LRRN3: variants seen among roughly 807,000 people sequenced by gnomAD.
The protein encoded by LRRN3 is leucine rich repeat neuronal 3.
A neutral mutation model predicts 40.1 loss-of-function variants in LRRN3; 15 were observed. The observed-to-expected ratio is 0.37, with a 90% confidence interval of 0.25 to 0.58. The LOEUF is 0.58. Ranked by LOEUF, LRRN3 falls within the 20% of genes least tolerant of loss-of-function variation. LRRN3 has a pLI of 0.72. For missense variants in LRRN3, 746 were observed against 837.7 expected, an observed-to-expected ratio of 0.89 and a Z score of 1.35; for synonymous variants, 308 against 297.2, an observed-to-expected ratio of 1.04 and a Z score of -0.37.
intron 2 of LRRN3, among the ~76,000 whole-genome samples, chr7:111,102,083 TA>T (rs879353268): frequency 0.018 from 2,607 of 144,882 alleles, 73 homozygotes; most frequent in African/African-American, 0.056. Context: ...TCAATTTCTT[TA>T]AAAAAAAAAA....
intron 2 of LRRN3, among the ~76,000 whole-genome samples, chr7:111,106,552 C>A (rs214884): frequency 6.6e-6 from 1 of 151,428 alleles, no homozygotes; most frequent in Non-Finnish European, 1.5e-5. Flanking sequence ...CTCACTGCCC[C>A]AGGCTTGAGT....
At chr7:111,093,852 A>G (rs1278532637) in intron 1 of LRRN3, among the ~76,000 whole-genome samples, 1 of 152,130 alleles carries the variant, frequency 6.6e-6, no homozygotes, top group East Asian at 1.9e-4. Context: ...CTTCCTGGCA[A>G]GACAATTCAA....
intron 2 of LRRN3, among the ~76,000 whole-genome samples, chr7:111,111,921 T>TTA (rs140449960): frequency 0.029 from 4,224 of 144,012 alleles, 165 homozygotes; most frequent in African/African-American, 0.077. Flanking sequence ...TATATTTTAT[T>TTA]TATATATATA....
In LRRN3 at chr7:111,110,193, T is replaced by A. The variant is rs1281835213; in HGVS notation, c.-359+10231T>A. On this transcript the variant is annotated intron_variant, in intron 2 of 2. Coordinates refer to ENST00000308478, the MANE Select transcript of LRRN3 (RefSeq NM_001099658.2). The stretch of plus-strand genomic sequence containing the variant: ...AAAATATGCAAAGATAAGTAAAGCA[T>A]CAAAGATCCTATCTGTTCATGGATA... Among the ~76,000 whole-genome samples, 3 of 152,176 alleles carry A rather than the reference T, an allele frequency of 2.0e-5. No individual in the cohort carries two copies. In the East Asian group the frequency reaches 5.8e-4, roughly 29 times the overall value.
rs1801033283 is a variant in LRRN3, at chr7:111,124,398, A to G, written c.1626A>G (p.Lys542=). ...IQANSVLVSW[K]ASSKILKSSV... ...CCAATTCAGTTTTGGTGTCCTGGAA[A>G]GCAAGTTCTAAAATTCTCAAATCTA... The change falls in exon 3 of 3, where the codon AAA becomes AAG. Residue 542 remains lysine, a synonymous_variant. Transcript: ENST00000308478. The G allele has an allele frequency of 1.9e-6, 3 of 1,613,708 alleles. No individual in the cohort carries two copies. Among genetic ancestry groups the G allele is most frequent in the Non-Finnish European group, 2.5e-6 (3 of 1,179,970 alleles).
At chr7:111,097,206 A>G (rs1263795448) in intron 1 of LRRN3, 1 of 151,890 alleles carries the variant, frequency 6.6e-6, no homozygotes, top group African/African-American at 2.4e-5. Context: ...CTGAGGAACA[A>G]TGGAAGAGGC....
At chr7:111,106,644 A>G (rs1302650135) in intron 2 of LRRN3, among the ~76,000 whole-genome samples, 1 of 149,586 alleles carries the variant, frequency 6.7e-6, no homozygotes, top group African/African-American at 2.5e-5. Context: ...TGAGGGACTT[A>G]TAAATAATAT....
At chr7:111,098,780 C>G (rs1003881469) in intron 1 of LRRN3, among the ~76,000 whole-genome samples, 1 of 151,630 alleles carries the variant, frequency 6.6e-6, no homozygotes, top group Non-Finnish European at 1.5e-5. Flanking sequence ...ATGAAGAACA[C>G]GAAAAGGAAC....
chr7:111,092,231 A>G (rs1261263082), intron 1 of LRRN3, among the ~76,000 whole-genome samples: 1 of 152,200 alleles, frequency 6.6e-6, no homozygotes, highest in Non-Finnish European at 1.5e-5. Context: ...TGGAACTGCC[A>G]CACACTAGGT....
intron 1 of LRRN3, among the ~76,000 whole-genome samples, chr7:111,098,977 G>T (rs932885451): frequency 9.9e-5 from 15 of 151,638 alleles, no homozygotes; most frequent in African/African-American, 3.1e-4. Flanking sequence ...ACCTTTGTAG[G>T]ATTCTTCTTT....
chr7:111,122,598 A>G lies in LRRN3; in HGVS notation c.-175A>G. On this transcript the variant is annotated 5_prime_UTR_variant, in exon 3 of 3. Coordinates refer to ENST00000308478, the MANE Select transcript of LRRN3 (RefSeq NM_001099658.2). ...TCTCCAATATGCATGACATTTTTGG[A>G]CAATGCAATTGTGGCACTGGCACTT... 1.7e-6 allele frequency: 1 copy of G among 588,400 alleles called. No homozygotes were observed. Among genetic ancestry groups the G allele is most frequent in the Non-Finnish European group, 3.0e-6 (1 of 329,812 alleles). 36.4% of individuals were successfully genotyped at this position (588,400 alleles called of 1,614,324 possible).
In LRRN3 at chr7:111,124,331, A is replaced by G. The variant is rs761535952; in HGVS notation, c.1559A>G (p.Asp520Gly). ...AAAGTGGATGGATCTTTTCCACAAG[A>G]TAACAATGGCTCTTTGAATATTAAA... ...MIKVDGSFPQ[D>G]NNGSLNIKIR... The change falls in exon 3 of 3, where the codon GAT (aspartate) becomes GGT (glycine). Residue 520 changes from aspartate (D) to glycine (G), a missense_variant. Coordinates refer to ENST00000308478, the MANE Select transcript of LRRN3 (RefSeq NM_001099658.2). 6.2e-7 allele frequency: 1 copy of G among 1,613,782 alleles called. No individual in the cohort carries two copies. The highest frequency in any genetic ancestry group is 8.5e-7 in the Non-Finnish European group (1 of 1,179,926).
chr7:111,121,818 G>A (rs1200718321), intron 2 of LRRN3, among the ~76,000 whole-genome samples: 1 of 152,180 alleles, frequency 6.6e-6, no homozygotes, highest in Admixed American at 6.5e-5. Context: ...GCAAAGACTT[G>A]GAACCAACCC....
At position 111,099,018 on chromosome 7, in the gene LRRN3, A is replaced by G. The variant is rs74998359; in HGVS notation, c.-440-863A>G. 7.2e-3 allele frequency among the ~76,000 whole-genome samples: 1,088 copies of G among 151,800 alleles called. 5 individuals carry two copies. Among genetic ancestry groups the G allele is most frequent in the Middle Eastern group, 0.027 (8 of 294 alleles). On this transcript the variant is annotated intron_variant, in intron 1 of 2. Coordinates refer to ENST00000308478, the MANE Select transcript of LRRN3 (RefSeq NM_001099658.2). ...CTGAGAAAGGAGTGATGCTTTAATTATTTATATCTGAGTTTTGCTATCCAC... is the reference window on the plus strand; with the variant it reads ...CTGAGAAAGGAGTGATGCTTTAATTGTTTATATCTGAGTTTTGCTATCCAC...
At chr7:111,115,251 G>T (rs916466688) in intron 2 of LRRN3, among the ~76,000 whole-genome samples, 2 of 152,040 alleles carry the variant, frequency 1.3e-5, no homozygotes, top group Non-Finnish European at 2.9e-5. Context: ...CCCAGTATAT[G>T]GTGTGATGCT....
At chr7:111,112,297 C>T (rs896474680) in intron 2 of LRRN3, among the ~76,000 whole-genome samples, 2 of 152,208 alleles carry the variant, frequency 1.3e-5, no homozygotes, top group Non-Finnish European at 1.5e-5. Context: ...GCATATAGTG[C>T]CTTTAATTTC....
intron 1 of LRRN3, among the ~76,000 whole-genome samples, chr7:111,093,652 G>C (rs554088121): frequency 2.0e-5 from 3 of 152,238 alleles, no homozygotes; most frequent in South Asian, 4.1e-4. Context: ...GGATTACAGA[G>C]ATCAGTAATG....
intron 2 of LRRN3, among the ~76,000 whole-genome samples, chr7:111,120,407 G>A (rs1800449320): frequency 6.6e-6 from 1 of 152,010 alleles, no homozygotes; most frequent in Non-Finnish European, 1.5e-5. Context: ...AAAAACATCA[G>A]ATCTCCTGAG....
chr7:111,121,382 T>G (rs1375448597), intron 2 of LRRN3, among the ~76,000 whole-genome samples: 1 of 152,254 alleles, frequency 6.6e-6, no homozygotes, highest in Non-Finnish European at 1.5e-5. Flanking sequence ...TTGTCAATTT[T>G]GGCTTTTGTT....
Sources: gnomAD v4.1 joint callset for allele counts (sites outside exome capture counted in the v4.1 genomes callset) on GRCh38, gnomAD v4.1.1 for gene constraint, MANE v1.5 for transcripts, NCBI Gene and HGNC (gene_info 2026-07-23, HGNC 2026-07-21) for gene names.